Variants in TMEM232 observed in about 807,000 individuals in gnomAD.
TMEM232 encodes the protein transmembrane protein 232.
TMEM232 carries 80 observed loss-of-function variants against 78.8 expected under a neutral mutation model. The ratio of observed to expected loss-of-function variants is 1.01; its 90% confidence interval spans 0.85 to 1.22. The LOEUF is 1.22. TMEM232 is among the 50% of genes most tolerant of loss of function. TMEM232 has a pLI of 0.00. For missense variants in TMEM232, 881 were observed against 742.2 expected (o/e 1.19, Z -2.17); for synonymous variants, 297 against 254.3 (o/e 1.17, Z -1.60).
At chr5:110,670,579 T>A (rs1299780267) in intron 1 of TMEM232, among the ~76,000 whole-genome samples, 1 of 152,204 alleles carries the variant, frequency 6.6e-6, no homozygotes, top group Non-Finnish European at 1.5e-5. Context: ...ATAGATTCAA[T>A]GCTTCTAATA....
chr5:110,502,307 A>C (rs984890691), intron 12 of TMEM232, among the ~76,000 whole-genome samples: 1 of 152,214 alleles, frequency 6.6e-6, no homozygotes, highest in Non-Finnish European at 1.5e-5. Flanking sequence ...AGGGCTGACA[A>C]ATCACAGGGC....
rs1368641586 is a variant in TMEM232 at position 110,642,282 on chromosome 5, C to G, written c.215G>C (p.Arg72Thr). The G allele has an allele frequency of 2.0e-6, 3 of 1,536,272 alleles. No individual in the cohort carries two copies. In the African/African-American group the frequency reaches 4.2e-5, roughly 21 times the overall value. Residue 72 changes from arginine (R) to threonine (T), a missense_variant, in exon 3 of 14, where the codon AGA becomes ACA. Arg to Thr is a moderately conservative substitution (Grantham distance 71, BLOSUM62 -1). Transcript: ENST00000455884. ...KEKEELLELA[R>T]KIILRCKRKL... Reference sequence around the variant, plus strand: ...TACCTTACATCTGAGAATGATTTTTCTAGCTAGTTCCAACAATTCTTCCTT... The same window carrying G: ...TACCTTACATCTGAGAATGATTTTTGTAGCTAGTTCCAACAATTCTTCCTT...
At chr5:110,516,700 G>A (rs561060147) in intron 12 of TMEM232, among the ~76,000 whole-genome samples, 32 of 149,664 alleles carry the variant, frequency 2.1e-4, no homozygotes, top group African/African-American at 7.3e-4. Flanking sequence ...AAAGCAAAAT[G>A]ATCAATTTTC....
chr5:110,577,692 T>TA (rs1199920898), intron 10 of TMEM232, among the ~76,000 whole-genome samples: 1 of 152,056 alleles, frequency 6.6e-6, no homozygotes, highest in African/African-American at 2.4e-5. Flanking sequence ...TATGTAGCCA[T>TA]AAAAAATAAT....
At chr5:110,721,095 T>C (rs1338814391) in intron 1 of TMEM232, among the ~76,000 whole-genome samples, 1 of 152,034 alleles carries the variant, frequency 6.6e-6, no homozygotes, top group African/African-American at 2.4e-5. Context: ...GGGGAAAAAG[T>C]TATTCCCGGT....
chr5:110,497,964 G>T (rs764572042), intron 12 of TMEM232, among the ~76,000 whole-genome samples: 59 of 152,016 alleles, frequency 3.9e-4, no homozygotes, highest in Admixed American at 9.9e-4. Flanking sequence ...CTTGGATATG[G>T]GTCGTACAAG....
At chr5:110,492,359 C>T (rs1765199342) in intron 12 of TMEM232, among the ~76,000 whole-genome samples, 1 of 151,692 alleles carries the variant, frequency 6.6e-6, no homozygotes, top group South Asian at 2.1e-4. Context: ...GAAAATAAAA[C>T]ATCTTTACCA....
intron 7 of TMEM232, among the ~76,000 whole-genome samples, chr5:110,620,810 T>C (rs539410394): frequency 3.4e-4 from 51 of 150,840 alleles, no homozygotes; most frequent in African/African-American, 1.1e-3. Flanking sequence ...ATTTTCCAGA[T>C]AGGTAGGGCT....
At position 110,736,064 on chromosome 5, in the gene TMEM232, T is replaced by C. The variant is rs1036025816; in HGVS notation, c.-125-1049A>G. Among the ~76,000 whole-genome samples the C allele has an allele frequency of 6.6e-5, 10 of 152,350 alleles. No homozygotes were observed. In the South Asian group the frequency reaches 1.2e-3, roughly 19 times the overall value. On this transcript the variant is annotated intron_variant, in intron 1 of 4. Transcript: ENST00000512886. ...CCCAATTTGTTATGGGGGTAATTCA[T>C]TGTGCCACAATAGAAACTAATACAA...
chr5:110,540,384 G>GAATAA lies in TMEM232; in HGVS notation c.1456-11550_1456-11549insTTATT, dbSNP rs549379305. Among the ~76,000 whole-genome samples, 4 of 152,204 alleles carry GAATAA rather than the reference G, an allele frequency of 2.6e-5. No individual in the cohort carries two copies. The South Asian group carries it at 8.3e-4, about 32-fold the overall frequency. On this transcript the variant is annotated intron_variant, in intron 11 of 13. Transcript: ENST00000455884. ...GTGAAGTCAGTCTTAGAAATAAAAG[G>GAATAA]ATACCTCTAGATGATGGAGGGAAGT... is the stretch of plus-strand genomic sequence containing the variant.
At chr5:110,493,126 T>TC (rs1307742950) in intron 12 of TMEM232, among the ~76,000 whole-genome samples, 2 of 151,480 alleles carry the variant, frequency 1.3e-5, no homozygotes, top group East Asian at 3.9e-4. Flanking sequence ...TAGAATTAAA[T>TC]CCCCCCAGCA....
chr5:110,406,257 G>GAT (rs372613112), intron 2 of TMEM232, among the ~76,000 whole-genome samples: 224 of 80,844 alleles, frequency 2.8e-3, no homozygotes, highest in Middle Eastern at 6.4e-3. Flanking sequence ...CTATGACACA[G>GAT]ATATATATAC....
intron 5 of TMEM232, among the ~76,000 whole-genome samples, chr5:110,632,013 C>G (rs889091462): frequency 1.3e-5 from 2 of 151,980 alleles, no homozygotes; most frequent in African/African-American, 2.4e-5. Flanking sequence ...ATACTCATCC[C>G]ACTGTTGCCA....
chr5:110,695,999 A>G (rs544590424), intron 1 of TMEM232, among the ~76,000 whole-genome samples: 26 of 152,294 alleles, frequency 1.7e-4, no homozygotes, highest in Admixed American at 7.2e-4. Flanking sequence ...AGACAAAACA[A>G]AAAAAGAGAA....
chr5:110,587,833 C>T (rs1162208692), intron 10 of TMEM232, among the ~76,000 whole-genome samples: 1 of 149,306 alleles, frequency 6.7e-6, no homozygotes, highest in Non-Finnish European at 1.5e-5. Context: ...AAAATAGATA[C>T]ATTTGGTTAA....
At chr5:110,494,788 A>T (rs905574127) in intron 12 of TMEM232, among the ~76,000 whole-genome samples, 27 of 152,052 alleles carry the variant, frequency 1.8e-4, no homozygotes, top group African/African-American at 6.5e-4. Context: ...TACTATAACT[A>T]TGTATAACGT....
chr5:110,412,735 A>G (rs1186060919), intron 2 of TMEM232, among the ~76,000 whole-genome samples: 1 of 152,168 alleles, frequency 6.6e-6, no homozygotes, highest in Non-Finnish European at 1.5e-5. Context: ...AAATGGAAAG[A>G]TACTAGGACC....
intron 12 of TMEM232, among the ~76,000 whole-genome samples, chr5:110,477,792 T>A (rs1266209649): frequency 2.0e-5 from 3 of 151,894 alleles, no homozygotes; most frequent in African/African-American, 4.8e-5. Flanking sequence ...TCATTTTGTA[T>A]AATAGAAATA....
chr5:110,443,477 T>G (rs1426501171), intron 12 of TMEM232, among the ~76,000 whole-genome samples: 1 of 152,076 alleles, frequency 6.6e-6, no homozygotes, highest in Non-Finnish European at 1.5e-5. Flanking sequence ...CACCTCTCAG[T>G]GCAGTATTGG....
Sources: gnomAD v4.1 joint callset for allele counts (sites outside exome capture counted in the v4.1 genomes callset) on GRCh38, gnomAD v4.1.1 for gene constraint, MANE v1.5 for transcripts, NCBI Gene and HGNC (gene_info 2026-07-23, HGNC 2026-07-21) for gene names.